Variants in HOXA3 observed in about 807,000 individuals in gnomAD.
HOXA3 encodes the protein homeobox A3, also known as homeobox protein Hox-A3.
In HOXA3, 8 loss-of-function variants were observed where a neutral mutation model predicts 30.3. The observed-to-expected ratio is 0.26, with a 90% CI of 0.15 to 0.48. HOXA3 has a LOEUF of 0.48. HOXA3 is among the 20% of genes least tolerant of loss of function. The pLI is 0.99. For missense variants in HOXA3, 653 were observed against 614.4 expected (o/e 1.06, Z -0.66); for synonymous variants, 323 against 273.1 (o/e 1.18, Z -1.80).
At chr7:27,142,693 G>A (rs1782616270) in intron 1 of HOXA3, 1 of 285,134 alleles carries the variant, frequency 3.5e-6, no homozygotes, top group South Asian at 1.3e-4. Context: ...GCCGTGACAA[G>A]CCCGATTCAC....
At chr7:27,139,675 C>T (rs1361103914) in intron 2 of HOXA3, among the ~76,000 whole-genome samples, 1 of 152,156 alleles carries the variant, frequency 6.6e-6, no homozygotes, top group African/African-American at 2.4e-5. Flanking sequence ...GTCTCCCAGC[C>T]CCGACCCCAG....
intron 5 of HOXA3, 118 bp downstream of exon 5, chr7:27,109,996 TG>T: frequency 1.6e-6 from 2 of 1,235,712 alleles, no homozygotes; most frequent in Admixed American, 1.9e-5. Context: ...GGCAGTGGTG[TG>T]GGAGCAGTGA....
At chr7:27,130,231 G>C in intron 2 of HOXA3, 2 of 1,388,188 alleles carry the variant, frequency 1.4e-6, no homozygotes, top group East Asian at 3.1e-5. Context: ...GCTGCCCCCT[G>C]CCGGGACGCC....
chr7:27,132,594 AC>A (rs1209192426), intron 2 of HOXA3, among the ~76,000 whole-genome samples: 1 of 152,198 alleles, frequency 6.6e-6, no homozygotes, highest in East Asian at 1.9e-4. Context: ...CACATGAGGC[AC>A]CCTGAAAATT....
At chr7:27,111,485 CGTGT>C (rs61655486) in intron 4 of HOXA3, among the ~76,000 whole-genome samples, 11,457 of 148,706 alleles carry the variant, frequency 0.077, 517 homozygotes, top group Non-Finnish European at 0.095. Context: ...GAACACATTG[CGTGT>C]GTGTGTGTGT....
intron 1 of HOXA3, chr7:27,143,395 G>A: frequency 6.2e-7 from 1 of 1,606,508 alleles, no homozygotes; most frequent in Non-Finnish European, 8.5e-7. Flanking sequence ...CAGCGTAGCT[G>A]CGGGCGCGCT....
At position 27,110,551 on chromosome 7, in the gene HOXA3, C is replaced by T; in HGVS notation, c.90G>A (p.Gln30=). ...AANGFAYNAN[Q]QPYPASAALG... ...AAGCGGCGGACGCCGGGTACGGCTG[C>T]TGATTGGCATTATAAGCGAACCCGT... The change falls in exon 5 of 6, where the codon CAG becomes CAA. Residue 30 remains glutamine (Q), a synonymous_variant. Transcript: ENST00000612286. 3.1e-6 allele frequency: 5 copies of T among 1,606,660 alleles called. No individual in the cohort carries two copies. The highest frequency in any genetic ancestry group is 4.3e-6 in the Non-Finnish European group (5 of 1,174,792).
At chr7:27,115,972 T>C (rs1405111996) in intron 4 of HOXA3, 1 of 152,694 alleles carries the variant, frequency 6.5e-6, no homozygotes, top group Non-Finnish European at 1.5e-5. Context: ...GGAAGGTTTT[T>C]ATTTGTTGGT....
intron 2 of HOXA3, among the ~76,000 whole-genome samples, chr7:27,139,209 C>A (rs887489540): frequency 1.3e-5 from 2 of 152,160 alleles, no homozygotes; most frequent in African/African-American, 2.4e-5. Flanking sequence ...AAGTTAAATC[C>A]GGCCATAAAG....
intron 4 of HOXA3, among the ~76,000 whole-genome samples, chr7:27,112,853 G>C (rs938534616): frequency 6.6e-6 from 1 of 152,196 alleles, no homozygotes. Flanking sequence ...ATACCAGCCT[G>C]CTACTTAGTT....
At chr7:27,143,075 G>C in intron 1 of HOXA3, 1 of 1,546,334 alleles carries the variant, frequency 6.5e-7, no homozygotes, top group Non-Finnish European at 8.7e-7. Context: ...GCGCATCCAG[G>C]GGTAGATCTG....
At chr7:27,135,776 C>T (rs988167019) in intron 2 of HOXA3, among the ~76,000 whole-genome samples, 1 of 152,110 alleles carries the variant, frequency 6.6e-6, no homozygotes, top group African/African-American at 2.4e-5. Flanking sequence ...TTTAAAGCTC[C>T]ACAGATGAGT....
chr7:27,127,845 G>A lies in HOXA3; in HGVS notation c.-389-775C>T, dbSNP rs1039864087. The stretch of plus-strand genomic sequence containing the variant: ...CTACTTTGCATGGGGTGAACTTTAG[G>A]GGTATATTATGCTTTTTCCTCAGAA... On this transcript the variant is annotated intron_variant, in intron 2 of 5. Transcript: ENST00000612286. 7.9e-5 allele frequency among the ~76,000 whole-genome samples: 12 copies of A among 152,208 alleles called. No individual in the cohort carries two copies. The South Asian group carries it at 2.3e-3, about 29-fold the overall frequency.
chr7:27,109,300 G>A (rs1029197375), intron 5 of HOXA3, among the ~76,000 whole-genome samples: 1 of 152,198 alleles, frequency 6.6e-6, no homozygotes, highest in African/African-American at 2.4e-5. Context: ...CTTCATGCTA[G>A]GTCCTATTCT....
intron 4 of HOXA3, among the ~76,000 whole-genome samples, chr7:27,117,205 G>C (rs1295877940): frequency 6.6e-6 from 1 of 152,164 alleles, no homozygotes; most frequent in Non-Finnish European, 1.5e-5. Flanking sequence ...TGTTTTGGAG[G>C]CTCTGAAGCT....
Position 27,152,518 on chromosome 7 carries a change from C to A in HOXA3, c.-724G>T. The A allele has an allele frequency of 8.5e-7, 1 of 1,178,636 alleles. No individual in the cohort carries two copies. The highest frequency in any genetic ancestry group is 1.1e-6 in the Non-Finnish European group (1 of 937,220). 73.0% of individuals were successfully genotyped at this position (1,178,636 alleles called of 1,614,324 possible). ...CTTCGCTCGCCATCTCCGGACAAAG[C>A]ACAGCCGAGCCCGGCTGGAAGGCAG... On this transcript the variant is annotated 5_prime_UTR_variant, in exon 1 of 6. Coordinates refer to ENST00000612286, the MANE Select transcript of HOXA3 (RefSeq NM_153631.3).
At chr7:27,118,420 A>G (rs1211658703) in intron 4 of HOXA3, among the ~76,000 whole-genome samples, 1 of 152,244 alleles carries the variant, frequency 6.6e-6, no homozygotes, top group African/African-American at 2.4e-5. Context: ...TCATACGTCA[A>G]CTTAAATCCT....
At chr7:27,130,866 G>C (rs1474856273) in intron 2 of HOXA3, 5 of 840,136 alleles carry the variant, frequency 6.0e-6, no homozygotes, top group Non-Finnish European at 9.1e-6. Context: ...CCGCTGTCAA[G>C]TGCCCACTCC....
chr7:27,107,663 A>C lies in HOXA3; in HGVS notation c.*252T>G. The C allele has an allele frequency of 2.5e-6, 1 of 395,756 alleles. No individual in the cohort carries two copies. The highest frequency in any genetic ancestry group is 4.5e-6 in the Non-Finnish European group (1 of 222,870). 24.5% of individuals were successfully genotyped at this position (395,756 alleles called of 1,614,324 possible). On this transcript the variant is annotated 3_prime_UTR_variant, in exon 6 of 6. Coordinates refer to ENST00000612286, the MANE Select transcript of HOXA3 (RefSeq NM_153631.3). ...GTAAAGGGTGCAGGGCCAGTGGCCT[A>C]TCGAGGAGCAGGAAGAGATAAATAT...
Sources: allele counts gnomAD v4.1 joint callset (sites outside exome capture counted in the v4.1 genomes callset), GRCh38; gene constraint gnomAD v4.1.1; transcripts MANE v1.5; gene names NCBI Gene and HGNC (gene_info 2026-07-23, HGNC 2026-07-21).